Variants in TENM3 observed in about 807,000 individuals in gnomAD.
TENM3 encodes teneurin transmembrane protein 3.
Under a neutral mutation model 255.1 loss-of-function variants are expected in TENM3, and 63 were observed. That is an observed-to-expected ratio of 0.25 (90% confidence interval 0.20 to 0.30). The LOEUF (loss-of-function observed/expected upper bound fraction) is 0.30, where lower values mean the gene tolerates loss of function less well. TENM3 is among the 10% of genes least tolerant of loss of function. The pLI is 1.00. For missense variants in TENM3, 2,929 were observed against 3,461.1 expected, an observed-to-expected ratio of 0.85 and a Z score of 3.86; for synonymous variants, 1,306 against 1,322.3, an observed-to-expected ratio of 0.99 and a Z score of 0.27.
intron 1 of TENM3, among the ~76,000 whole-genome samples, chr4:182,244,153 C>T (rs867702758): frequency 5.9e-5 from 9 of 151,482 alleles, no homozygotes; most frequent in Admixed American, 2.0e-4. Flanking sequence ...CGGGGTTTCA[C>T]CATTTTAGCC....
chr4:182,656,600 A>T (rs944068417), intron 6 of TENM3, among the ~76,000 whole-genome samples: 2 of 152,186 alleles, frequency 1.3e-5, no homozygotes, highest in Non-Finnish European at 2.9e-5. Context: ...TCTCTTTAGA[A>T]ATTCTAGGAG....
intron 4 of TENM3, among the ~76,000 whole-genome samples, chr4:182,627,000 A>C (rs1750880811): frequency 6.6e-6 from 1 of 152,196 alleles, no homozygotes. Context: ...TTTTCAATCC[A>C]GAATTCTTTC....
the TENM3 span, among the ~76,000 whole-genome samples, chr4:181,482,375 C>T: frequency 1.3e-5 from 2 of 152,048 alleles, no homozygotes; most frequent in African/African-American, 4.8e-5. Context: ...TTTGCTGTTC[C>T]TGCAACCATT....
At chr4:181,462,529 C>T in the TENM3 span, among the ~76,000 whole-genome samples, 4 of 152,132 alleles carry the variant, frequency 2.6e-5, no homozygotes, top group African/African-American at 9.7e-5. Flanking sequence ...CTATGCTTGC[C>T]GTCATCCAAT....
the TENM3 span, among the ~76,000 whole-genome samples, chr4:182,100,437 G>T: frequency 4.3e-5 from 1 of 23,014 alleles, no homozygotes; most frequent in South Asian, 1.9e-3. Flanking sequence ...CTCCGTCTCC[G>T]TAAAAAAAAA....
At chr4:182,321,394 G>A (rs1763043070) in intron 1 of TENM3, among the ~76,000 whole-genome samples, 1 of 151,862 alleles carries the variant, frequency 6.6e-6, no homozygotes, top group African/African-American at 2.4e-5. Context: ...GAGAGGCCAA[G>A]GCAGGTGGAT....
At chr4:182,161,109 T>A (rs1455592943) in intron 1 of TENM3, among the ~76,000 whole-genome samples, 1 of 150,806 alleles carries the variant, frequency 6.6e-6, no homozygotes, top group South Asian at 2.1e-4. Flanking sequence ...TGAAACCCCG[T>A]CTCTAGTAAA....
At chr4:182,769,092 C>G (rs1449179896) in intron 22 of TENM3, among the ~76,000 whole-genome samples, 1 of 152,238 alleles carries the variant, frequency 6.6e-6, no homozygotes, top group Non-Finnish European at 1.5e-5. Context: ...AAGCAACGTT[C>G]AGTTGAGTCA....
Position 182,680,236 on chromosome 4 carries a change from C to T in TENM3, c.1538-12C>T. 6.3e-7 allele frequency: 1 copy of T among 1,597,432 alleles called. No homozygotes were observed. The highest frequency in any genetic ancestry group is 8.6e-7 in the Non-Finnish European group (1 of 1,165,378). On this transcript the variant is annotated splice_polypyrimidine_tract_variant and intron_variant, in intron 8 of 27. Coordinates refer to ENST00000511685, the MANE Select transcript of TENM3 (RefSeq NM_001080477.4). ...CTATACAACAAGTGTTCCTTCTTTC[C>T]TTTTTCTTCAGAGTCTGTGGTGGAA...
chr4:182,427,085 C>G (rs182643875), intron 3 of TENM3, among the ~76,000 whole-genome samples: 45 of 152,234 alleles, frequency 3.0e-4, no homozygotes, highest in African/African-American at 1.1e-3. Context: ...GACCTACTCA[C>G]AATAATGACT....
At chr4:182,640,417 A>G (rs1018937837) in intron 5 of TENM3, among the ~76,000 whole-genome samples, 1 of 152,346 alleles carries the variant, frequency 6.6e-6, no homozygotes, top group East Asian at 1.9e-4. Context: ...TAGTTTTAAC[A>G]AGCTAATTGC....
intron 3 of TENM3, among the ~76,000 whole-genome samples, chr4:182,518,366 T>G (rs569666093): frequency 6.6e-6 from 1 of 152,130 alleles, no homozygotes; most frequent in Non-Finnish European, 1.5e-5. Flanking sequence ...TCTTATGTTA[T>G]ATGGGAAAGG....
At chr4:182,403,665 A>G (rs1397821782) in intron 3 of TENM3, among the ~76,000 whole-genome samples, 1 of 152,224 alleles carries the variant, frequency 6.6e-6, no homozygotes, top group Non-Finnish European at 1.5e-5. Flanking sequence ...ACCGTGGAAC[A>G]ATTGGATGCC....
chr4:181,682,482 GACACGGACATTTGTGTGAACCTGA>G, the TENM3 span, among the ~76,000 whole-genome samples: 2 of 152,126 alleles, frequency 1.3e-5, no homozygotes, highest in Non-Finnish European at 2.9e-5. Flanking sequence ...TCTATATGTA[GACACGGACATTTGTGTGAACCTGA>G]ACATGGCCTC....
At chr4:181,600,648 C>G in the TENM3 span, among the ~76,000 whole-genome samples, 5 of 151,446 alleles carry the variant, frequency 3.3e-5, no homozygotes, top group Non-Finnish European at 7.4e-5. Flanking sequence ...GATGCTGGGG[C>G]TTCTGGGTGG....
the TENM3 span, among the ~76,000 whole-genome samples, chr4:181,536,131 C>A: frequency 6.6e-6 from 1 of 152,188 alleles, no homozygotes; most frequent in Non-Finnish European, 1.5e-5. Flanking sequence ...AGCACAACTT[C>A]TGGTGAATAA....
At chr4:181,766,462 C>T in the TENM3 span, among the ~76,000 whole-genome samples, 3 of 152,070 alleles carry the variant, frequency 2.0e-5, no homozygotes, top group African/African-American at 7.2e-5. Flanking sequence ...ATACTTGTTG[C>T]CGAAATAGTA....
the TENM3 span, among the ~76,000 whole-genome samples, chr4:181,480,551 A>G: frequency 2.0e-5 from 3 of 152,062 alleles, no homozygotes; most frequent in African/African-American, 7.2e-5. Flanking sequence ...AGTTGGCTGC[A>G]TTATTTAGAA....
chr4:182,075,342 G>GCGCC, the TENM3 span, among the ~76,000 whole-genome samples: 1 of 151,896 alleles, frequency 6.6e-6, no homozygotes, highest in South Asian at 2.1e-4. Context: ...GGGACTACAG[G>GCGCC]CACATGTCAC....
Sources: allele counts gnomAD v4.1 joint callset (sites outside exome capture counted in the v4.1 genomes callset), GRCh38; gene constraint gnomAD v4.1.1; transcripts MANE v1.5; gene names NCBI Gene and HGNC (gene_info 2026-07-23, HGNC 2026-07-21).